Variants in BDKRB1 observed in about 807,000 individuals in gnomAD.
BDKRB1 encodes the protein B1 bradykinin receptor.
For missense variants in BDKRB1, 414 were observed against 441.4 expected (o/e 0.94, Z 0.56); for synonymous variants, 192 against 189.1 (o/e 1.02, Z -0.13).
Position 96,264,568 on chromosome 14 carries a change from T to C in BDKRB1, c.886T>C (p.Leu296=), listed in dbSNP as rs117760968. ...GGACTTCATTGACCTGGGCCTGCAA[T>C]TGGCCAACTTCTTTGCCTTCACTAA... ...WEDFIDLGLQ[L]ANFFAFTNSS... Residue 296 remains leucine (L), a synonymous_variant, in exon 3 of 3, where the codon TTG becomes CTG. Transcript: ENST00000216629. 1,124 of 1,614,190 alleles carry C rather than the reference T, an allele frequency of 7.0e-4. 16 individuals are homozygous for C. The East Asian group carries it at 0.021, about 30-fold the overall frequency.
chr14:96,263,298 C>T (rs530376970), intron 2 of BDKRB1, among the ~76,000 whole-genome samples: 6 of 152,316 alleles, frequency 3.9e-5, no homozygotes, highest in South Asian at 4.1e-4. Flanking sequence ...ACAGCCCTCC[C>T]GTGATCCCAC....
chr14:96,264,094 G>C lies in BDKRB1; in HGVS notation c.412G>C (p.Val138Leu). The C allele has an allele frequency of 6.2e-7, 1 of 1,604,364 alleles. No homozygotes were observed. Among genetic ancestry groups the C allele is most frequent in the Non-Finnish European group, 8.5e-7 (1 of 1,175,438 alleles). ...VVAISQDRYR[V>L]LVHPMASRRQ... ...GGCCATCAGCCAGGACCGCTACCGC[G>C]TGCTGGTGCACCCTATGGCCAGCCG... The change falls in exon 3 of 3, where the codon GTG becomes CTG. Residue 138 changes from valine to leucine, a missense_variant. Val to Leu is a conservative substitution (Grantham distance 32, BLOSUM62 1). Transcript: ENST00000216629.
In BDKRB1 at chr14:96,264,516, G is replaced by A. The variant is rs762289233; in HGVS notation, c.834G>A (p.Val278=). 1 of 1,614,198 alleles carries A rather than the reference G, an allele frequency of 6.2e-7. No individual in the cohort carries two copies. The highest frequency in any genetic ancestry group is 1.1e-5 in the South Asian group (1 of 91,086). The stretch of plus-strand genomic sequence containing the variant: ...CCTTCCTGGAATTCTTATTCCAGGT[G>A]CAAGCAGTCCGAGGCTGCTTTTGGG... ...FFAFLEFLFQ[V]QAVRGCFWED... Residue 278 remains valine (V), a synonymous_variant, in exon 3 of 3, where the codon GTG becomes GTA. Coordinates refer to ENST00000216629, the MANE Select transcript of BDKRB1 (RefSeq NM_000710.4).
In BDKRB1 at chr14:96,264,377, G is replaced by T; in HGVS notation, c.695G>T (p.Arg232Leu). 6.2e-7 allele frequency: 1 copy of T among 1,614,210 alleles called. No homozygotes were observed. Among genetic ancestry groups the T allele is most frequent in the Non-Finnish European group, 8.5e-7 (1 of 1,180,042 alleles). Residue 232 changes from arginine (R) to leucine (L), a missense_variant, in exon 3 of 3, where the codon CGG becomes CTG. By Grantham distance (102) the Arg-to-Leu change is moderately radical. Transcript: ENST00000216629. ...NYHILASLRT[R>L]EEVSRTRCGG... ...CACATCCTGGCCTCCCTGCGAACGCGGGAGGAGGTCAGCAGGACAAGGTGC... is the reference window on the plus strand; with the variant it reads ...CACATCCTGGCCTCCCTGCGAACGCTGGAGGAGGTCAGCAGGACAAGGTGC...
intron 1 of BDKRB1, among the ~76,000 whole-genome samples, chr14:96,261,568 G>T (rs181303950): frequency 6.4e-4 from 98 of 152,312 alleles, no homozygotes; most frequent in African/African-American, 2.3e-3. Flanking sequence ...GCTCTTCCAA[G>T]GTTAATTCTC....
intron 1 of BDKRB1, among the ~76,000 whole-genome samples, chr14:96,258,399 C>T (rs10148086): frequency 0.027 from 4,053 of 152,286 alleles, 159 homozygotes; most frequent in African/African-American, 0.093. Flanking sequence ...TGACTCTTCT[C>T]TTGAACCATA....
At chr14:96,258,313 A>G in intron 1 of BDKRB1, among the ~76,000 whole-genome samples, 1 of 152,146 alleles carries the variant, frequency 6.6e-6, no homozygotes, top group East Asian at 1.9e-4. Flanking sequence ...TGTTATTTTT[A>G]ATTTTTCCAT....
At chr14:96,262,517 C>G in intron 1 of BDKRB1, 135 bp from the exon 2 acceptor site, 1 of 384,366 alleles carries the variant, frequency 2.6e-6, no homozygotes, top group South Asian at 2.1e-5. Context: ...GAACACAGAC[C>G]ATTAATACCA....
At chr14:96,259,890 A>G (rs958803350) in intron 1 of BDKRB1, 8 of 152,210 alleles carry the variant, frequency 5.3e-5, no homozygotes, top group African/African-American at 1.9e-4. Flanking sequence ...TGCACAAGAA[A>G]AGCTGGAATT....
At position 96,263,965 on chromosome 14, in the gene BDKRB1, GAGA is replaced by G. The variant is rs1388464535; in HGVS notation, c.285_287del (p.Glu95_Asn96delinsAsp). 1.2e-6 allele frequency: 2 copies of G among 1,614,118 alleles called. No homozygotes were observed. The highest frequency in any genetic ancestry group is 1.7e-6 in the Non-Finnish European group (2 of 1,180,048). ...TGTCTTGGGCTTGCCCTTCTGGGCA[GAGA>G]ATATCTGGAACCAGTTTAACTGGCC... On this transcript the variant is annotated inframe_deletion, in exon 3 of 3. Coordinates refer to ENST00000216629, the MANE Select transcript of BDKRB1 (RefSeq NM_000710.4).
At position 96,264,076 on chromosome 14, in the gene BDKRB1, A is replaced by G. The variant is rs1885825752; in HGVS notation, c.394A>G (p.Ser132Gly). 6.2e-7 allele frequency: 1 copy of G among 1,610,198 alleles called. No individual in the cohort carries two copies. The highest frequency in any genetic ancestry group is 8.5e-7 in the Non-Finnish European group (1 of 1,178,190). ...CAGCATCTTCCTGGTGGTGGCCATC[A>G]GCCAGGACCGCTACCGCGTGCTGGT... ...FISIFLVVAISQDRYRVLVHP... is the reference protein window; with the variant it reads ...FISIFLVVAIGQDRYRVLVHP... The change falls in exon 3 of 3, where the codon AGC becomes GGC. Residue 132 changes from serine to glycine, a missense_variant. Coordinates refer to ENST00000216629, the MANE Select transcript of BDKRB1 (RefSeq NM_000710.4).
rs369637963 is a variant in BDKRB1, at chr14:96,261,686, C to T, written c.-129-966C>T. 1.4e-4 allele frequency among the ~76,000 whole-genome samples: 22 copies of T among 152,358 alleles called. No individual in the cohort carries two copies. In the East Asian group the frequency reaches 2.5e-3, roughly 17 times the overall value. On this transcript the variant is annotated intron_variant, in intron 1 of 2. Transcript: ENST00000216629. Reference sequence around the variant, plus strand: ...TGACAGTGACAACTAATGTTTGCCACGTGCTTACAATAAGTCAGGAACCCT... The same window carrying T: ...TGACAGTGACAACTAATGTTTGCCATGTGCTTACAATAAGTCAGGAACCCT...
In BDKRB1 at chr14:96,264,004, C is replaced by T. The variant is rs765678831; in HGVS notation, c.322C>T (p.Leu108Phe). 2 of 1,614,138 alleles carry T rather than the reference C, an allele frequency of 1.2e-6. No individual in the cohort carries two copies. The highest frequency in any genetic ancestry group is 1.6e-4 in the Middle Eastern group (1 of 6,082). The change falls in exon 3 of 3, where the codon CTC becomes TTC. Residue 108 changes from leucine to phenylalanine, a missense_variant. Coordinates refer to ENST00000216629, the MANE Select transcript of BDKRB1 (RefSeq NM_000710.4). ...WNQFNWPFGALLCRVINGVIK... is the reference protein window; with the variant it reads ...WNQFNWPFGAFLCRVINGVIK... ...CCAGTTTAACTGGCCTTTCGGAGCC[C>T]TCCTCTGCCGTGTCATCAACGGGGT...
intron 2 of BDKRB1, among the ~76,000 whole-genome samples, 173 bp from the exon 3 acceptor site, chr14:96,263,500 C>T (rs1224933355): frequency 6.6e-6 from 1 of 152,174 alleles, no homozygotes; most frequent in African/African-American, 2.4e-5. Context: ...GTCTCTGTTA[C>T]AAGCGCTCGA....
chr14:96,262,961 C>T (rs34179372), intron 2 of BDKRB1, among the ~76,000 whole-genome samples, 191 bp downstream of exon 2: 41,153 of 151,856 alleles, frequency 0.27, 6,016 homozygotes, highest in Non-Finnish European at 0.34. Context: ...TAAGAGGAAC[C>T]TCCTAGCACT....
chr14:96,260,023 C>G (rs1205133948), intron 1 of BDKRB1: 1 of 120,986 alleles, frequency 8.3e-6, no homozygotes, highest in Non-Finnish European at 1.8e-5. Flanking sequence ...TCTTAGGGTG[C>G]AATTTTTTTT....
intron 1 of BDKRB1, among the ~76,000 whole-genome samples, chr14:96,261,738 A>G (rs185127110): frequency 1.3e-5 from 2 of 152,220 alleles, no homozygotes; most frequent in South Asian, 2.1e-4. Flanking sequence ...ATATTAACCT[A>G]TCCAAGCTGG....
chr14:96,262,928 A>T (rs973870378), intron 2 of BDKRB1, among the ~76,000 whole-genome samples, 158 bp downstream of exon 2: 22 of 151,960 alleles, frequency 1.4e-4, no homozygotes, highest in African/African-American at 5.3e-4. Flanking sequence ...ACACCCGGCC[A>T]ATACTCATGT....
In BDKRB1 at chr14:96,260,841, A is replaced by G. The variant is rs140275047; in HGVS notation, c.-129-1811A>G. 6.5e-4 allele frequency among the ~76,000 whole-genome samples: 99 copies of G among 151,780 alleles called. No individual in the cohort carries two copies. In the East Asian group the frequency reaches 0.017, roughly 25 times the overall value. On this transcript the variant is annotated intron_variant, in intron 1 of 2. Transcript: ENST00000216629. ...TTTAAATGCCATTCCTATAGTTACA[A>G]CTCCCAGTTAGGTCTCATCATCCCA...
Sources: gnomAD v4.1 joint callset for allele counts (sites outside exome capture counted in the v4.1 genomes callset) on GRCh38, gnomAD v4.1.1 for gene constraint, MANE v1.5 for transcripts, NCBI Gene and HGNC (gene_info 2026-07-23, HGNC 2026-07-21) for gene names.